Variants in RAD51B observed in about 807,000 individuals in gnomAD.
RAD51B encodes the protein DNA repair protein RAD51 homolog 2.
In RAD51B, 38 loss-of-function variants were observed where a neutral mutation model predicts 42.2. The ratio of observed to expected loss-of-function variants is 0.90; its 90% CI spans 0.70 to 1.18. The LOEUF is 1.18. RAD51B is among the 50% of genes most tolerant of loss of function. RAD51B has a pLI of 0.00. For missense variants in RAD51B, 373 were observed against 400.7 expected (o/e 0.93, Z 0.59); for synonymous variants, 154 against 145.2 (o/e 1.06, Z -0.43).
At chr14:68,143,328 A>T (rs2078174822) in intron 7 of RAD51B, among the ~76,000 whole-genome samples, 1 of 152,214 alleles carries the variant, frequency 6.6e-6, no homozygotes, top group South Asian at 2.1e-4. Context: ...TAGTTGACAG[A>T]TAATGGTGTG....
chr14:67,893,630 C>T (rs1396509379), intron 7 of RAD51B, among the ~76,000 whole-genome samples: 1 of 151,904 alleles, frequency 6.6e-6, no homozygotes, highest in African/African-American at 2.4e-5. Flanking sequence ...ATGAACATGC[C>T]ACTGCATTCC....
intron 4 of RAD51B, chr14:67,864,708 C>G: frequency 2.0e-6 from 1 of 496,268 alleles, no homozygotes; most frequent in Non-Finnish European, 3.9e-6. Flanking sequence ...ATGTTTCAGC[C>G]TTTCTCAACT....
chr14:68,247,351 T>C (rs1024502994), intron 7 of RAD51B, among the ~76,000 whole-genome samples: 1 of 152,208 alleles, frequency 6.6e-6, no homozygotes, highest in Non-Finnish European at 1.5e-5. Flanking sequence ...AATTTTGCTA[T>C]CAAAAGCAGA....
At chr14:68,378,536 G>T (rs1594752260) in intron 8 of RAD51B, among the ~76,000 whole-genome samples, 1 of 152,200 alleles carries the variant, frequency 6.6e-6, no homozygotes, top group South Asian at 2.1e-4. Context: ...ATCACATAAT[G>T]TTTGCATATA....
At chr14:68,013,743 A>G (rs1402739020) in intron 7 of RAD51B, among the ~76,000 whole-genome samples, 1 of 152,194 alleles carries the variant, frequency 6.6e-6, no homozygotes, top group Non-Finnish European at 1.5e-5. Context: ...TTGGATGCAA[A>G]TTTGCATTTC....
chr14:68,077,109 G>C (rs930963008), intron 7 of RAD51B, among the ~76,000 whole-genome samples: 1 of 152,244 alleles, frequency 6.6e-6, no homozygotes, highest in East Asian at 1.9e-4. Context: ...AATGGTGGTA[G>C]GGATGGGCTT....
rs2080764192 is a variant in RAD51B, at chr14:68,256,843, A to T, written c.757-35041A>T. ...AGCGATTGAATAGAATCAGATAAAT[A>T]CTAAAGTCATAAACATAAAATCTGG... On this transcript the variant is annotated intron_variant, in intron 7 of 10. Transcript: ENST00000471583. Among the ~76,000 whole-genome samples, 3 of 152,368 alleles carry T rather than the reference A, an allele frequency of 2.0e-5. No individual in the cohort carries two copies. The South Asian group carries it at 6.2e-4, about 32-fold the overall frequency.
At chr14:68,501,228 C>T (rs1884896811) in intron 10 of RAD51B, among the ~76,000 whole-genome samples, 1 of 152,220 alleles carries the variant, frequency 6.6e-6, no homozygotes, top group South Asian at 2.1e-4. Context: ...AGCACAACAG[C>T]ATAATAAATC....
At chr14:68,623,692 C>T (rs1450659257) in intron 10 of RAD51B, among the ~76,000 whole-genome samples, 1 of 152,232 alleles carries the variant, frequency 6.6e-6, no homozygotes, top group African/African-American at 2.4e-5. Context: ...CTTGCTACCA[C>T]CTAAACATTC....
intron 8 of RAD51B, among the ~76,000 whole-genome samples, chr14:68,402,166 T>A (rs937936525): frequency 6.6e-6 from 1 of 152,240 alleles, no homozygotes; most frequent in Non-Finnish European, 1.5e-5. Flanking sequence ...TTGACACCTT[T>A]GTCCTGTGGT....
intron 7 of RAD51B, among the ~76,000 whole-genome samples, chr14:68,090,302 G>T (rs543974618): frequency 6.6e-6 from 1 of 152,096 alleles, no homozygotes; most frequent in Non-Finnish European, 1.5e-5. Flanking sequence ...GGATCTTTTG[G>T]TATTGAATGA....
At chr14:68,326,027 C>CTTTTTTTTTTTTTTTTTTTTTTTTT (rs1156621815) in intron 8 of RAD51B, among the ~76,000 whole-genome samples, 1 of 51,636 alleles carries the variant, frequency 1.9e-5, no homozygotes, top group African/African-American at 5.9e-5. Flanking sequence ...TGTTGTTATT[C>CTTTTTTTTTTTTTTTTTTTTTTTTT]TTTTTCTTTT....
intron 10 of RAD51B, among the ~76,000 whole-genome samples, chr14:68,571,052 A>T (rs1889677122): frequency 6.6e-6 from 1 of 152,172 alleles, no homozygotes; most frequent in African/African-American, 2.4e-5. Flanking sequence ...GACATGTAAG[A>T]TCTAACAACC....
At chr14:68,619,475 A>AAAAAG in intron 10 of RAD51B, among the ~76,000 whole-genome samples, 1 of 151,456 alleles carries the variant, frequency 6.6e-6, no homozygotes, top group Non-Finnish European at 1.5e-5. Flanking sequence ...AAAAAAAAGA[A>AAAAAG]AAAAAAAAGT....
chr14:68,586,370 C>T (rs1305303082), intron 10 of RAD51B, among the ~76,000 whole-genome samples: 3 of 152,214 alleles, frequency 2.0e-5, no homozygotes, highest in Non-Finnish European at 2.9e-5. Flanking sequence ...TTTACCAAGG[C>T]GAACATTTGC....
intron 7 of RAD51B, among the ~76,000 whole-genome samples, chr14:68,259,467 A>G (rs1470458171): frequency 1.3e-5 from 2 of 152,292 alleles, no homozygotes; most frequent in Non-Finnish European, 2.9e-5. Flanking sequence ...TAAAATAAAA[A>G]TAAATAAACA....
intron 5 of RAD51B, among the ~76,000 whole-genome samples, chr14:67,883,775 T>G (rs2042986187): frequency 6.6e-6 from 1 of 152,320 alleles, no homozygotes; most frequent in East Asian, 1.9e-4. Context: ...AGGGCTTTTC[T>G]TTTTCTTTTG....
intron 7 of RAD51B, among the ~76,000 whole-genome samples, chr14:68,272,216 GATT>G (rs1372937977): frequency 1.3e-5 from 2 of 152,094 alleles, no homozygotes; most frequent in Non-Finnish European, 2.9e-5. Flanking sequence ...ACTTAGGGGA[GATT>G]ATAATGTCTC....
chr14:68,157,781 G>T (rs2078544695), intron 7 of RAD51B, among the ~76,000 whole-genome samples: 2 of 151,998 alleles, frequency 1.3e-5, no homozygotes, highest in African/African-American at 2.4e-5. Context: ...TTATTTATTT[G>T]GTTTGTTTGT....
Sources: gnomAD v4.1 joint callset for allele counts (sites outside exome capture counted in the v4.1 genomes callset) on GRCh38, gnomAD v4.1.1 for gene constraint, MANE v1.5 for transcripts, NCBI Gene and HGNC (gene_info 2026-07-23, HGNC 2026-07-21) for gene names.